SIL1: variants seen among roughly 807,000 people sequenced by gnomAD.
The protein encoded by SIL1 is nucleotide exchange factor SIL1.
A neutral mutation model predicts 49.1 loss-of-function variants in SIL1; 40 were observed. The observed-to-expected ratio is 0.81, with a 90% CI of 0.63 to 1.06. SIL1 has a LOEUF of 1.06. SIL1 is among the 50% of genes least tolerant of loss of function. The pLI is 0.00. For synonymous variants in SIL1, 253 were observed against 250.8 expected (o/e 1.01, Z -0.08); for missense variants, 500 against 572.6 (o/e 0.87, Z 1.29).
chr5:139,095,265 CTT>C (rs1172866470), intron 3 of SIL1, among the ~76,000 whole-genome samples: 11,706 of 131,366 alleles, frequency 0.089, 383 homozygotes, highest in Non-Finnish European at 0.11. Flanking sequence ...TATTGGAATT[CTT>C]TTTTTTTTTT....
chr5:139,116,096 A>G (rs1770981693), intron 3 of SIL1, among the ~76,000 whole-genome samples: 1 of 152,244 alleles, frequency 6.6e-6, no homozygotes, highest in Non-Finnish European at 1.5e-5. Context: ...GACCAGAGTC[A>G]GGTGCTCCTT....
chr5:139,142,934 A>C (rs942650983), intron 1 of SIL1, among the ~76,000 whole-genome samples: 1 of 151,918 alleles, frequency 6.6e-6, no homozygotes, highest in African/African-American at 2.4e-5. Context: ...ACGCCTGGCT[A>C]ATTTTTTTTG....
intron 7 of SIL1, among the ~76,000 whole-genome samples, chr5:139,000,467 G>A (rs571988669): frequency 6.2e-4 from 95 of 152,280 alleles, no homozygotes; most frequent in African/African-American, 2.1e-3. Flanking sequence ...AGAGAATTCA[G>A]TATATAGTAG....
intron 1 of SIL1, among the ~76,000 whole-genome samples, chr5:139,197,191 C>G (rs964004468): frequency 2.7e-5 from 4 of 147,402 alleles, no homozygotes; most frequent in African/African-American, 1.0e-4. Context: ...TCGCTTGAAC[C>G]TGGGAGGCGG....
chr5:139,194,714 G>A (rs528411191), intron 1 of SIL1, among the ~76,000 whole-genome samples: 33 of 152,276 alleles, frequency 2.2e-4, no homozygotes, highest in Non-Finnish European at 4.0e-4. Flanking sequence ...GCGACTAAGG[G>A]ACTAGCATTG....
intron 3 of SIL1, among the ~76,000 whole-genome samples, chr5:139,068,486 T>C (rs1003672803): frequency 6.6e-6 from 1 of 151,668 alleles, no homozygotes. Flanking sequence ...AGAAGTGAAA[T>C]CAAAACTGAG....
intron 7 of SIL1, among the ~76,000 whole-genome samples, chr5:138,957,386 G>A (rs1268313214): frequency 1.3e-5 from 2 of 149,384 alleles, no homozygotes; most frequent in Admixed American, 6.7e-5. Context: ...GCCTGGACAA[G>A]GTGGTAAAAT....
chr5:139,132,514 TGAGA>T (rs1750885109), intron 1 of SIL1, among the ~76,000 whole-genome samples: 2 of 151,488 alleles, frequency 1.3e-5, no homozygotes, highest in Admixed American at 6.6e-5. Flanking sequence ...GGAGAGAGAA[TGAGA>T]GAGAGAAAGA....
At chr5:138,993,891 A>T (rs1767808670) in intron 7 of SIL1, among the ~76,000 whole-genome samples, 1 of 152,238 alleles carries the variant, frequency 6.6e-6, no homozygotes, top group South Asian at 2.1e-4. Context: ...GACCTACAGA[A>T]AGTGTAATAT....
intron 1 of SIL1, among the ~76,000 whole-genome samples, chr5:139,143,330 C>T (rs1321037965): frequency 1.2e-3 from 117 of 95,894 alleles, no homozygotes; most frequent in African/African-American, 3.6e-3. Context: ...CACACACACA[C>T]ACACACACAC....
At chr5:139,196,626 C>A (rs1471771505) in intron 1 of SIL1, 2 of 152,210 alleles carry the variant, frequency 1.3e-5, no homozygotes, top group Non-Finnish European at 2.9e-5. Flanking sequence ...ATTTCCATCA[C>A]CTGTAAAATG....
At chr5:139,109,697 A>T (rs1184252369) in intron 3 of SIL1, among the ~76,000 whole-genome samples, 13 of 112,414 alleles carry the variant, frequency 1.2e-4, no homozygotes, top group African/African-American at 6.7e-4. Context: ...GGGGATGTTA[A>T]AAAAAAAAAA....
chr5:139,127,688 C>T, intron 2 of SIL1, 51 bp downstream of exon 2: 5 of 1,477,276 alleles, frequency 3.4e-6, no homozygotes, highest in Non-Finnish European at 4.6e-6. Context: ...ACAGGGAGGC[C>T]TTCTCAAGAC....
At chr5:139,127,982 C>T (rs564731260) in intron 1 of SIL1, 129 bp from the exon 2 acceptor site, 15 of 696,246 alleles carry the variant, frequency 2.2e-5, no homozygotes, top group African/African-American at 1.8e-4. Flanking sequence ...AACGAGTCTT[C>T]TACCACTTCT....
At position 139,110,485 on chromosome 5, in the gene SIL1, T is replaced by C. The variant is rs923854017; in HGVS notation, c.244+10550A>G. On this transcript the variant is annotated intron_variant, in intron 3 of 9. Coordinates refer to ENST00000394817, the MANE Select transcript of SIL1 (RefSeq NM_022464.5). Reference sequence around the variant, plus strand: ...TAAACAGACTGTTCTGGGAATTAAATAAATTAAACTAAAACTCAATCTTTG... The same window carrying C: ...TAAACAGACTGTTCTGGGAATTAAACAAATTAAACTAAAACTCAATCTTTG... Among the ~76,000 whole-genome samples the C allele has an allele frequency of 1.6e-4, 24 of 152,166 alleles. 1 individual carries two copies. Among genetic ancestry groups the C allele is most frequent in the Admixed American group, 1.6e-3 (24 of 15,282 alleles).
intron 2 of SIL1, among the ~76,000 whole-genome samples, 184 bp from the exon 3 acceptor site, chr5:139,121,357 G>C (rs1376336873): frequency 6.6e-6 from 1 of 152,134 alleles, no homozygotes; most frequent in African/African-American, 2.4e-5. Context: ...AGGTGATATG[G>C]CTAAATGAAT....
intron 7 of SIL1, among the ~76,000 whole-genome samples, chr5:138,968,158 A>G (rs906451047): frequency 6.6e-6 from 1 of 152,122 alleles, no homozygotes; most frequent in East Asian, 1.9e-4. Context: ...AAGAGTCAGC[A>G]TAGCAGGCCC....
intron 3 of SIL1, among the ~76,000 whole-genome samples, chr5:139,086,743 T>C (rs979926312): frequency 3.3e-5 from 5 of 151,686 alleles, no homozygotes; most frequent in African/African-American, 9.7e-5. Flanking sequence ...GTGGATCACT[T>C]GAGGTCAGGT....
At chr5:139,030,776 G>C (rs1768772394) in intron 5 of SIL1, among the ~76,000 whole-genome samples, 2 of 152,056 alleles carry the variant, frequency 1.3e-5, no homozygotes, top group Non-Finnish European at 2.9e-5. Context: ...AGGATTGCAG[G>C]TGTGAGCCAT....
Sources: gnomAD v4.1 joint callset for allele counts (sites outside exome capture counted in the v4.1 genomes callset) on GRCh38, gnomAD v4.1.1 for gene constraint, MANE v1.5 for transcripts, NCBI Gene and HGNC (gene_info 2026-07-23, HGNC 2026-07-21) for gene names.